The following PPP1R10 variants were observed in gnomAD, a reference collection of about 807,000 sequenced individuals.
The protein encoded by PPP1R10 is serine/threonine-protein phosphatase 1 regulatory subunit 10.
PPP1R10 carries 15 observed loss-of-function variants against 99.0 expected under a neutral mutation model. The observed-to-expected ratio is 0.15, with a 90% CI of 0.10 to 0.23. The LOEUF (loss-of-function observed/expected upper bound fraction) is 0.23, where lower values mean the gene tolerates loss of function less well. PPP1R10 is among the 10% of genes least tolerant of loss of function. The probability of loss-of-function intolerance (pLI) is 1.00; values close to 1 mark genes in which losing one functional copy is unlikely to be tolerated. For missense variants in PPP1R10, 947 were observed against 1,259.4 expected (o/e 0.75, Z 3.75); for synonymous variants, 430 against 449.5 (o/e 0.96, Z 0.55).
chr6:30,602,628 C>G lies in PPP1R10; in HGVS notation c.2021G>C (p.Arg674Pro), dbSNP rs890043948. 1 of 1,591,826 alleles carries G rather than the reference C, an allele frequency of 6.3e-7. No individual in the cohort carries two copies. Among genetic ancestry groups the G allele is most frequent in the Non-Finnish European group, 8.5e-7 (1 of 1,171,664 alleles). ...GCCATCCCAGAAGGGATCACCTCCC[C>G]GGGGAGGGGGTGGAGGACCCAGAAG... The part of the protein sequence containing the change: ...PRLLGPPPPP[R>P]GGDPFWDGPG... The change falls in exon 19 of 20, where the codon CGG (arginine) becomes CCG (proline). Residue 674 changes from arginine (R) to proline (P), a missense_variant. By Grantham distance (103) the Arg-to-Pro change is moderately radical (BLOSUM62 -2). Coordinates refer to ENST00000376511, the MANE Select transcript of PPP1R10 (RefSeq NM_002714.4). The surrounding 1 kb of genome is among the most constrained non-coding windows in gnomAD (Gnocchi z 6.7).
chr6:30,604,085 T>C lies in PPP1R10; in HGVS notation c.1431A>G (p.Gly477=), dbSNP rs1561833434. ...GGATATATCGCTCCTGACTATTGCT[T>C]CCAGGGGTGACAAGAGGTGAGGGCA... ...LVLPSPLVTP[G]SNSQERYIQA... The change falls in exon 14 of 20, where the codon GGA becomes GGG. Residue 477 remains glycine, a synonymous_variant. Coordinates refer to ENST00000376511, the MANE Select transcript of PPP1R10 (RefSeq NM_002714.4). The surrounding 1 kb of genome is among the most constrained non-coding windows in gnomAD (Gnocchi z 7.3). 1 of 1,613,872 alleles carries C rather than the reference T, an allele frequency of 6.2e-7. No individual in the cohort carries two copies. Among genetic ancestry groups the C allele is most frequent in the Admixed American group, 1.7e-5 (1 of 59,994 alleles).
chr6:30,609,271 C>T lies in PPP1R10; in HGVS notation c.108-108G>A, dbSNP rs1481897013. 9.9e-7 allele frequency: 1 copy of T among 1,014,434 alleles called. No individual in the cohort carries two copies. The highest frequency in any genetic ancestry group is 1.4e-5 in the South Asian group (1 of 72,364). The allele number at this position is 1,014,434 out of a possible 1,614,324, so 62.8% of individuals were successfully genotyped here. ...AGATTCCTAATGACTTGGGACTTTG[C>T]TCCAGAGAAGGGGAGTCACATATAC... On this transcript the variant is annotated intron_variant, in intron 3 of 19. Coordinates refer to ENST00000376511, the MANE Select transcript of PPP1R10 (RefSeq NM_002714.4). The surrounding 1 kb of genome is among the most constrained non-coding windows in gnomAD (Gnocchi z 4.5).
Position 30,609,895 on chromosome 6 carries a change from C to A in PPP1R10, c.50G>T (p.Ser17Ile), listed in dbSNP as rs752390341. 1 of 1,614,178 alleles carries A rather than the reference C, an allele frequency of 6.2e-7. No homozygotes were observed. The highest frequency in any genetic ancestry group is 8.5e-7 in the Non-Finnish European group (1 of 1,180,020). The change falls in exon 3 of 20, where the codon AGC becomes ATC. Residue 17 changes from serine to isoleucine, a missense_variant. Ser to Ile is a moderately radical substitution (Grantham distance 142). Transcript: ENST00000376511. The surrounding 1 kb of genome is among the most constrained non-coding windows in gnomAD (Gnocchi z 4.5). ...DPKELLKGLD[S>I]FLNRDGEVKS... ...GACTTCCCCATCTCGGTTAAGGAAG[C>A]TGTCCAGGCCCTTGAGAAGTTCTTT... is the stretch of plus-strand genomic sequence containing the variant.
At chr6:30,605,901 A>G in intron 10 of PPP1R10, 22 bp downstream of exon 10, 3 of 1,583,146 alleles carry the variant, frequency 1.9e-6, no homozygotes, top group African/African-American at 1.4e-5. Flanking sequence ...TTCAAAGTAC[A>G]TCTTCCCCAC....
intron 1 of PPP1R10, 68 bp from the exon 2 acceptor site, chr6:30,617,066 G>C (rs1022769129): frequency 1.3e-5 from 2 of 152,300 alleles, no homozygotes; most frequent in Non-Finnish European, 2.9e-5. Flanking sequence ...ACTCACAAAT[G>C]CCATCTTTGT....
chr6:30,605,108 G>C lies in PPP1R10; in HGVS notation c.854-14C>G. 6.2e-7 allele frequency: 1 copy of C among 1,609,874 alleles called. No homozygotes were observed. Among genetic ancestry groups the C allele is most frequent in the Non-Finnish European group, 8.5e-7 (1 of 1,177,596 alleles). ...GGCCCTCCATAGCTACAAAAAGAAA[G>C]AGCACCAAATGGCATCATCAGACCT... On this transcript the variant is annotated splice_polypyrimidine_tract_variant and intron_variant, in intron 10 of 19. Coordinates refer to ENST00000376511, the MANE Select transcript of PPP1R10 (RefSeq NM_002714.4).
In PPP1R10 at chr6:30,606,666, A is replaced by G. The variant is rs1235676828; in HGVS notation, c.461-25T>C. ...TCTGTTGTGAAAAAACAAAGCAGAA[A>G]AGGATTTTATTTAGATGAACACTGT... On this transcript the variant is annotated intron_variant, in intron 7 of 19. Transcript: ENST00000376511. The surrounding 1 kb of genome is among the most constrained non-coding windows in gnomAD (Gnocchi z 6.3). 1.2e-6 allele frequency: 2 copies of G among 1,613,908 alleles called. No homozygotes were observed. Among genetic ancestry groups the G allele is most frequent in the South Asian group, 2.2e-5 (2 of 91,078 alleles).
chr6:30,616,662 A>T lies in PPP1R10; in HGVS notation c.-196T>A, dbSNP rs1760594835. 1 of 152,126 alleles carries T rather than the reference A, an allele frequency of 6.6e-6. No homozygotes were observed. The allele number at this position is 152,126 out of a possible 1,614,324, so 9.4% of individuals were successfully genotyped here. On this transcript the variant is annotated 5_prime_UTR_variant, in exon 2 of 20. An upstream start codon of the reference 5' UTR is lost. Coordinates refer to ENST00000376511, the MANE Select transcript of PPP1R10 (RefSeq NM_002714.4). ...ATTCATTTCCCCCCCACCCAACTCC[A>T]TTTAGGGAGGGGGGTCGCAGAAAAA...
Position 30,602,392 on chromosome 6 carries a change from G to T in PPP1R10, c.2257C>A (p.Pro753Thr), listed in dbSNP as rs774882526. Residue 753 changes from proline (P) to threonine (T), a missense_variant, in exon 19 of 20, where the codon CCT (proline) becomes ACT (threonine). Around this residue, in one of 10 missense-constraint regions of PPP1R10, gnomAD observed 525 missense variants for 578.8 expected, o/e 0.91. Transcript: ENST00000376511. This position sits in a 1 kb window ranked among gnomAD's most constrained non-coding sequence, Gnocchi z 6.7. Reference sequence around the variant, plus strand: ...ATGCCCCCACCAGGGCCTTCGTGAGGACGATGCCCACCACCTCCAACCATG... The same window carrying T: ...ATGCCCCCACCAGGGCCTTCGTGAGTACGATGCCCACCACCTCCAACCATG... ...GGMVGGGGHR[P>T]HEGPGGGMGN... 3.1e-6 allele frequency: 5 copies of T among 1,612,840 alleles called. No homozygotes were observed. In the South Asian group the frequency reaches 5.5e-5, roughly 18 times the overall value.
chr6:30,613,316 T>C (rs771498004), intron 2 of PPP1R10, among the ~76,000 whole-genome samples: 6 of 152,170 alleles, frequency 3.9e-5, no homozygotes, highest in Non-Finnish European at 8.8e-5. Context: ...TCAGAGCTCT[T>C]TAAAAAATAA....
chr6:30,606,736 A>G lies in PPP1R10; in HGVS notation c.460+43T>C, dbSNP rs145132285. 5.3e-5 allele frequency: 85 copies of G among 1,610,058 alleles called. No individual in the cohort carries two copies. The highest frequency in any genetic ancestry group is 7.2e-5 in the Non-Finnish European group (85 of 1,176,296). On this transcript the variant is annotated intron_variant, in intron 7 of 19. Transcript: ENST00000376511. This position sits in a 1 kb window ranked among gnomAD's most constrained non-coding sequence, Gnocchi z 6.3. ...GAGCACCTAAAGGCCACATCCCAATAGGAAAGAAATAAATACAAAGGATAA... is the reference window on the plus strand; with the variant it reads ...GAGCACCTAAAGGCCACATCCCAATGGGAAAGAAATAAATACAAAGGATAA...
rs370938010 is a variant in PPP1R10 at position 30,604,559 on chromosome 6, C to G, written c.1102+29G>C. On this transcript the variant is annotated intron_variant, in intron 12 of 19. Transcript: ENST00000376511. The surrounding 1 kb of genome is among the most constrained non-coding windows in gnomAD (Gnocchi z 7.3). ...ACCCAGATCCCTCCTTTCAGAAAAC[C>G]CCCCAAACTGAACCAGTTTCTAGAT... The G allele has an allele frequency of 1.7e-4, 274 of 1,612,746 alleles. No individual in the cohort carries two copies. The African/African-American group carries it at 3.1e-3, about 18-fold the overall frequency.
chr6:30,603,753 T>C (rs781596562), intron 15 of PPP1R10, 27 bp downstream of exon 15: 8 of 1,543,706 alleles, frequency 5.2e-6, no homozygotes, highest in Non-Finnish European at 7.0e-6. Context: ...CCATCACAAC[T>C]TCCATCATCA....
At chr6:30,616,197 G>A (rs956606084) in intron 2 of PPP1R10, among the ~76,000 whole-genome samples, 15 of 152,142 alleles carry the variant, frequency 9.9e-5, no homozygotes, top group Admixed American at 9.2e-4. Context: ...GAAATTGGCT[G>A]GATTACCAAG....
In PPP1R10 at chr6:30,609,205, T is replaced by C; in HGVS notation, c.108-42A>G. 1 of 1,594,078 alleles carries C rather than the reference T, an allele frequency of 6.3e-7. No homozygotes were observed. Among genetic ancestry groups the C allele is most frequent in the South Asian group, 1.1e-5 (1 of 90,656 alleles). The stretch of plus-strand genomic sequence containing the variant: ...AGGGTTAGAAATGAAGCAGCCAGTA[T>C]CTCTTCTCTTAGCAAAAGCGCCTCT... On this transcript the variant is annotated intron_variant, in intron 3 of 19. Coordinates refer to ENST00000376511, the MANE Select transcript of PPP1R10 (RefSeq NM_002714.4). This position sits in a 1 kb window ranked among gnomAD's most constrained non-coding sequence, Gnocchi z 4.5.
chr6:30,603,945 T>C, intron 14 of PPP1R10, 63 bp downstream of exon 14: 1 of 1,525,312 alleles, frequency 6.6e-7, no homozygotes, highest in Non-Finnish European at 8.8e-7. Context: ...TTACCCCAGC[T>C]CATGTTCCCT....
rs1019612197 is a variant in PPP1R10, at chr6:30,609,438, C to T, written c.108-275G>A. On this transcript the variant is annotated intron_variant, in intron 3 of 19. Transcript: ENST00000376511. This position sits in a 1 kb window ranked among gnomAD's most constrained non-coding sequence, Gnocchi z 4.5. ...TCCATTCTGCCTCCAGGTGATAAGG[C>T]TATCCCTCAACAACTGTCCCTAATA... 1.3e-5 allele frequency among the ~76,000 whole-genome samples: 2 copies of T among 152,156 alleles called. No homozygotes were observed. Among genetic ancestry groups the T allele is most frequent in the Non-Finnish European group, 2.9e-5 (2 of 68,024 alleles).
Position 30,603,670 on chromosome 6 carries a change from AAAG to A in PPP1R10, c.1573-7_1573-5del, listed in dbSNP as rs1409342236. ...GAGTCTCATCCATGGAACACTCCTG[AAAG>A]AAGAACAAAAAAAATCAGGATTGAC... On this transcript the variant is annotated splice_polypyrimidine_tract_variant and splice_region_variant and intron_variant, in intron 15 of 19. Transcript: ENST00000376511. The A allele has an allele frequency of 2.2e-5, 35 of 1,577,204 alleles. No homozygotes were observed. Among genetic ancestry groups the A allele is most frequent in the Non-Finnish European group, 2.9e-5 (34 of 1,164,466 alleles).
At chr6:30,601,779 GA>G in intron 19 of PPP1R10, 121 bp from the exon 20 acceptor site, 2 of 1,313,382 alleles carry the variant, frequency 1.5e-6, no homozygotes, top group Non-Finnish European at 2.1e-6. Flanking sequence ...GGATTTGGGG[GA>G]AGGGCATAGA....
Sources: allele counts gnomAD v4.1 joint callset (sites outside exome capture counted in the v4.1 genomes callset), GRCh38; gene constraint gnomAD v4.1.1; regional missense constraint gnomAD v4.1.1; non-coding constraint Gnocchi (gnomAD v3.1); transcripts MANE v1.5; gene names NCBI Gene and HGNC (gene_info 2026-07-23, HGNC 2026-07-21).